The following SLC25A21 variants were observed in gnomAD, a reference collection of about 807,000 sequenced individuals.
The protein encoded by SLC25A21 is solute carrier family 25 member 21.
Under a neutral mutation model 43.8 loss-of-function variants are expected in SLC25A21, and 47 were observed. The ratio of observed to expected loss-of-function variants is 1.07; its 90% CI spans 0.85 to 1.37. The LOEUF is 1.37. Ranked by LOEUF, SLC25A21 falls within the 40% of genes most tolerant of loss-of-function variation. The pLI is 0.00. For missense variants in SLC25A21, 352 were observed against 350.2 expected (o/e 1.00, Z -0.04); for synonymous variants, 131 against 121.3 (o/e 1.08, Z -0.52).
chr14:36,688,356 C>A (rs1303780352), intron 7 of SLC25A21, among the ~76,000 whole-genome samples: 1 of 152,198 alleles, frequency 6.6e-6, no homozygotes, highest in Non-Finnish European at 1.5e-5. Flanking sequence ...ATCTCTCTTC[C>A]CTGCAGGGCT....
intron 1 of SLC25A21, among the ~76,000 whole-genome samples, chr14:37,131,253 A>G (rs1286754129): frequency 5.3e-5 from 8 of 152,244 alleles, no homozygotes; most frequent in African/African-American, 1.9e-4. Context: ...CTGTGAAAGA[A>G]GTAACAAAAA....
At position 36,878,788 on chromosome 14, in the gene SLC25A21, ACT is replaced by A. The variant is rs1459732437; in HGVS notation, c.71-3786_71-3785del. Among the ~76,000 whole-genome samples, 3 of 152,062 alleles carry A rather than the reference ACT, an allele frequency of 2.0e-5. No homozygotes were observed. The East Asian group carries it at 5.8e-4, about 29-fold the overall frequency. ...TCCATCCTAATTGCGATTTTAAGACACTCTGATATCAAGACAAATAAGACCTA... is the reference window on the plus strand; with the variant it reads ...TCCATCCTAATTGCGATTTTAAGACACTGATATCAAGACAAATAAGACCTA... On this transcript the variant is annotated intron_variant, in intron 1 of 9. Transcript: ENST00000331299.
chr14:37,120,936 G>A lies in SLC25A21; in HGVS notation c.70+51345C>T, dbSNP rs141922801. ...TCCTCTTATAAGGGGAAAATTGAGA[G>A]AGCTGTTGTGGATGCTATAAACGTG... On this transcript the variant is annotated intron_variant, in intron 1 of 9. Coordinates refer to ENST00000331299, the MANE Select transcript of SLC25A21 (RefSeq NM_030631.4). Among the ~76,000 whole-genome samples the A allele has an allele frequency of 1.7e-3, 264 of 152,310 alleles. 1 individual carries two copies. The highest frequency in any genetic ancestry group is 6.0e-3 in the African/African-American group (248 of 41,582).
intron 3 of SLC25A21, among the ~76,000 whole-genome samples, chr14:36,793,015 C>A (rs867737757): frequency 4.6e-5 from 7 of 152,118 alleles, no homozygotes; most frequent in African/African-American, 1.7e-4. Flanking sequence ...CCTCTACTGC[C>A]CTTACCCTCT....
At chr14:36,973,834 T>A (rs1173073539) in intron 1 of SLC25A21, among the ~76,000 whole-genome samples, 1 of 152,122 alleles carries the variant, frequency 6.6e-6, no homozygotes, top group Non-Finnish European at 1.5e-5. Flanking sequence ...AGATAATTCA[T>A]TTAAAGGATG....
intron 1 of SLC25A21, among the ~76,000 whole-genome samples, chr14:36,971,494 C>A (rs1348410272): frequency 1.3e-5 from 2 of 152,172 alleles, no homozygotes; most frequent in Middle Eastern, 3.4e-3. Context: ...GCCTTTCCTG[C>A]GTCCTATGTA....
chr14:36,873,144 C>G (rs1890421698), intron 2 of SLC25A21, among the ~76,000 whole-genome samples: 1 of 152,232 alleles, frequency 6.6e-6, no homozygotes, highest in Admixed American at 6.5e-5. Flanking sequence ...AATAATCTGG[C>G]TTCTCAAAGA....
At position 37,172,225 on chromosome 14, in the gene SLC25A21, G is replaced by T. The variant is rs188235584; in HGVS notation, c.70+56C>A. The T allele has an allele frequency of 3.8e-3, 5,738 of 1,513,774 alleles. 21 individuals are homozygous for T. Among genetic ancestry groups the T allele is most frequent in the Non-Finnish European group, 4.7e-3 (5,301 of 1,119,462 alleles). 93.8% of individuals were successfully genotyped at this position (1,513,774 alleles called of 1,614,324 possible). ...AGACCTGTCTGGGCAACGGTTTCAGGACACGCGGTGGGGAAAGCGACTAGC... is the reference window on the plus strand; with the variant it reads ...AGACCTGTCTGGGCAACGGTTTCAGTACACGCGGTGGGGAAAGCGACTAGC... On this transcript the variant is annotated intron_variant, in intron 1 of 9. Coordinates refer to ENST00000331299, the MANE Select transcript of SLC25A21 (RefSeq NM_030631.4).
intron 2 of SLC25A21, among the ~76,000 whole-genome samples, chr14:36,855,869 G>A (rs1015870610): frequency 2.0e-5 from 3 of 152,176 alleles, no homozygotes; most frequent in Non-Finnish European, 4.4e-5. Context: ...CAGGGGTGAA[G>A]GGTGGTTTTG....
intron 1 of SLC25A21, among the ~76,000 whole-genome samples, chr14:37,132,051 A>T (rs996559585): frequency 6.6e-6 from 1 of 152,184 alleles, no homozygotes; most frequent in Non-Finnish European, 1.5e-5. Flanking sequence ...CAAGATGCCA[A>T]CATCTGTTGA....
chr14:37,071,103 CA>C (rs1962161145), intron 1 of SLC25A21, among the ~76,000 whole-genome samples: 1 of 152,158 alleles, frequency 6.6e-6, no homozygotes, highest in Non-Finnish European at 1.5e-5. Context: ...AGCCACATTC[CA>C]AAATGATTAG....
intron 2 of SLC25A21, among the ~76,000 whole-genome samples, chr14:36,874,513 A>G (rs1890462620): frequency 6.6e-6 from 1 of 152,208 alleles, no homozygotes; most frequent in African/African-American, 2.4e-5. Context: ...TGCATTGGCA[A>G]ACAGTAATAG....
chr14:37,009,604 T>C (rs1438211312), intron 1 of SLC25A21, among the ~76,000 whole-genome samples: 1 of 152,214 alleles, frequency 6.6e-6, no homozygotes, highest in African/African-American at 2.4e-5. Flanking sequence ...TGTTCTCTTA[T>C]CTCATTGGTG....
chr14:36,707,119 G>C (rs1005778289), intron 7 of SLC25A21, among the ~76,000 whole-genome samples: 8 of 152,116 alleles, frequency 5.3e-5, no homozygotes, highest in Admixed American at 2.6e-4. Context: ...CTCTCTCCTA[G>C]AGCCTTTGCG....
intron 6 of SLC25A21, among the ~76,000 whole-genome samples, chr14:36,721,949 C>G (rs756039077): frequency 6.6e-6 from 1 of 152,192 alleles, no homozygotes; most frequent in Non-Finnish European, 1.5e-5. Context: ...CATTCAACAT[C>G]ACAAAGCCCT....
chr14:37,049,482 G>A (rs2138795415), intron 1 of SLC25A21, among the ~76,000 whole-genome samples: 1 of 152,178 alleles, frequency 6.6e-6, no homozygotes, highest in African/African-American at 2.4e-5. Context: ...AGAAGTGGGA[G>A]GATTACTTGA....
intron 1 of SLC25A21, among the ~76,000 whole-genome samples, chr14:37,047,282 C>T (rs994883487): frequency 2.0e-5 from 3 of 152,114 alleles, no homozygotes; most frequent in African/African-American, 4.8e-5. Context: ...TCCAGATCCT[C>T]GGAACATGCA....
Position 37,172,383 on chromosome 14 carries a change from G to C in SLC25A21, c.-33C>G, listed in dbSNP as rs1392986026. On this transcript the variant is annotated 5_prime_UTR_variant, in exon 1 of 10. Coordinates refer to ENST00000331299, the MANE Select transcript of SLC25A21 (RefSeq NM_030631.4). ...AGGCGGGAGGACAAGGGAGTGGGCT[G>C]AGATGCGTCAACGAGCTCGCAGCCT... is the stretch of plus-strand genomic sequence containing the variant. The C allele has an allele frequency of 1.9e-6, 3 of 1,575,042 alleles. No homozygotes were observed. The highest frequency in any genetic ancestry group is 2.7e-5 in the African/African-American group (2 of 74,244).
At chr14:37,029,368 A>G (rs553537981) in intron 1 of SLC25A21, among the ~76,000 whole-genome samples, 1 of 152,318 alleles carries the variant, frequency 6.6e-6, no homozygotes, top group African/African-American at 2.4e-5. Context: ...TGCAGACTCC[A>G]TATTTCTTTT....
Sources: gnomAD v4.1 joint callset for allele counts (sites outside exome capture counted in the v4.1 genomes callset) on GRCh38, gnomAD v4.1.1 for gene constraint, MANE v1.5 for transcripts, NCBI Gene and HGNC (gene_info 2026-07-23, HGNC 2026-07-21) for gene names.